Variants in ALLC observed in about 807,000 individuals in gnomAD.
The protein encoded by ALLC is allantoicase.
ALLC carries 40 observed loss-of-function variants against 45.0 expected under a neutral mutation model. That is an observed-to-expected ratio of 0.89 (90% CI 0.69 to 1.16). The LOEUF (loss-of-function observed/expected upper bound fraction) is 1.16. Among genes scored for constraint, ALLC ranks in the 50% most tolerant of loss-of-function variants. ALLC has a pLI of 0.00. For synonymous variants in ALLC, 176 were observed against 178.1 expected, an observed-to-expected ratio of 0.99 and a Z score of 0.09; for missense variants, 488 against 493.1, an observed-to-expected ratio of 0.99 and a Z score of 0.10.
At chr2:3,650,926 G>A in the ALLC span, among the ~76,000 whole-genome samples, 1 of 152,226 alleles carries the variant, frequency 6.6e-6, no homozygotes, top group East Asian at 1.9e-4. Flanking sequence ...CCTGAAGTCA[G>A]AACCATTACC....
At chr2:3,666,780 T>C (rs1364706981) in intron 1 of ALLC, among the ~76,000 whole-genome samples, 1 of 152,112 alleles carries the variant, frequency 6.6e-6, no homozygotes. Flanking sequence ...CTGCATTGCA[T>C]GGTGGGGGCG....
chr2:3,673,963 G>C (rs1666956220), intron 2 of ALLC, 112 bp from the exon 3 acceptor site: 1 of 787,862 alleles, frequency 1.3e-6, no homozygotes, highest in East Asian at 2.7e-5. Flanking sequence ...CTTCCCCTAG[G>C]TGATTTCACG....
In ALLC at chr2:3,666,461, T is replaced by C. The variant is rs144972386; in HGVS notation, c.-62-4635T>C. On this transcript the variant is annotated intron_variant, in intron 1 of 11. Coordinates refer to ENST00000252505, the MANE Select transcript of ALLC (RefSeq NM_018436.4). ...GTGCAGGGGGAGCCCGTGGACTTGG[T>C]GAGACCCACAGGCCACAGCCAGGCT... Among the ~76,000 whole-genome samples the C allele has an allele frequency of 4.9e-4, 75 of 152,308 alleles. No individual in the cohort carries two copies. The East Asian group carries it at 0.012, about 25-fold the overall frequency.
chr2:3,681,551 A>C, intron 5 of ALLC, 83 bp from the exon 6 acceptor site: 3 of 946,294 alleles, frequency 3.2e-6, no homozygotes, highest in Non-Finnish European at 3.2e-6. Context: ...CAAAGCGAGA[A>C]TTACCATACA....
intron 2 of ALLC, 121 bp from the exon 3 acceptor site, chr2:3,673,954 T>C (rs2148000762): frequency 1.4e-6 from 1 of 718,688 alleles, no homozygotes; most frequent in East Asian, 2.7e-5. Flanking sequence ...ATTCTGTCGC[T>C]TCCCCTAGGT....
At chr2:3,689,385 C>T (rs887243798) in intron 7 of ALLC, among the ~76,000 whole-genome samples, 2 of 150,828 alleles carry the variant, frequency 1.3e-5, no homozygotes, top group South Asian at 4.2e-4. Context: ...TTTGTTGTAT[C>T]CCATATATTT....
chr2:3,647,220 T>G, the ALLC span, among the ~76,000 whole-genome samples: 1 of 152,148 alleles, frequency 6.6e-6, no homozygotes, highest in African/African-American at 2.4e-5. Flanking sequence ...CACATACGTC[T>G]AAGAAGCAAA....
At chr2:3,647,243 C>T in the ALLC span, among the ~76,000 whole-genome samples, 2 of 151,834 alleles carry the variant, frequency 1.3e-5, no homozygotes, top group Non-Finnish European at 2.9e-5. Context: ...TCCTCCTTTA[C>T]TTCAGTCAAC....
At chr2:3,651,443 T>TGTGTGTGTGTGTGTGTGTGTG in the ALLC span, among the ~76,000 whole-genome samples, 4 of 16,808 alleles carry the variant, frequency 2.4e-4, 1 homozygote, top group East Asian at 8.7e-4. Context: ...GTGTGTGTGT[T>TGTGTGTGTGTGTGTGTGTGTG]AGGAAGGGAG....
At chr2:3,659,349 A>G (rs1666514344) in intron 1 of ALLC, among the ~76,000 whole-genome samples, 2 of 152,322 alleles carry the variant, frequency 1.3e-5, no homozygotes, top group Admixed American at 6.5e-5. Flanking sequence ...TCTATTTTAG[A>G]GAGTCATTGC....
chr2:3,653,484 C>T (rs947668526), upstream of ALLC, among the ~76,000 whole-genome samples: 7 of 152,234 alleles, frequency 4.6e-5, no homozygotes, highest in African/African-American at 1.7e-4. The surrounding 1 kb of genome is among the most constrained non-coding windows in gnomAD (Gnocchi z 4.1). Flanking sequence ...GACCTGCGTC[C>T]TGCCAGCTAC....
upstream of ALLC, among the ~76,000 whole-genome samples, chr2:3,657,158 G>A (rs1666462135): frequency 6.6e-6 from 1 of 151,742 alleles, no homozygotes. Context: ...CTCAAAGGCC[G>A]GGCGAGCTGA....
intron 7 of ALLC, among the ~76,000 whole-genome samples, chr2:3,692,834 G>T (rs531184199): frequency 1.3e-5 from 2 of 152,268 alleles, no homozygotes; most frequent in African/African-American, 4.8e-5. Context: ...CATGAGAATG[G>T]GTCACTGTGG....
At chr2:3,663,601 T>A (rs1033429385) in intron 1 of ALLC, among the ~76,000 whole-genome samples, 1 of 151,896 alleles carries the variant, frequency 6.6e-6, no homozygotes, top group Non-Finnish European at 1.5e-5. Context: ...AAAAAGACTC[T>A]ATGTCAGAAA....
At chr2:3,668,266 G>C (rs527702425) in intron 1 of ALLC, among the ~76,000 whole-genome samples, 2 of 152,262 alleles carry the variant, frequency 1.3e-5, no homozygotes, top group African/African-American at 4.8e-5. Flanking sequence ...GCTGTGTGGG[G>C]AAGAGCATTC....
At position 3,680,156 on chromosome 2, in the gene ALLC, A is replaced by G. The variant is rs920956387; in HGVS notation, c.298+162A>G. ...ACGGGGCTGTAGGACCAGGACTCCT[A>G]GTAGAGCGCTCTGTGGTTTTTGATT... On this transcript the variant is annotated intron_variant, in intron 5 of 11. Coordinates refer to ENST00000252505, the MANE Select transcript of ALLC (RefSeq NM_018436.4). The surrounding 1 kb of genome is among the most constrained non-coding windows in gnomAD (Gnocchi z 4.0). 3.3e-5 allele frequency among the ~76,000 whole-genome samples: 5 copies of G among 152,172 alleles called. No individual in the cohort carries two copies. Among genetic ancestry groups the G allele is most frequent in the African/African-American group, 4.8e-5 (2 of 41,426 alleles).
At chr2:3,649,311 G>A in the ALLC span, among the ~76,000 whole-genome samples, 4 of 149,628 alleles carry the variant, frequency 2.7e-5, no homozygotes, top group African/African-American at 7.4e-5. Context: ...GTGCGATCTC[G>A]GCTCACTGCA....
the ALLC span, among the ~76,000 whole-genome samples, chr2:3,652,484 G>A: frequency 6.6e-6 from 1 of 152,008 alleles, no homozygotes; most frequent in East Asian, 1.9e-4. Flanking sequence ...CCATTTCTAT[G>A]GTGGGAAGAA....
chr2:3,697,364 TTC>T lies in ALLC; in HGVS notation c.762_763del (p.Leu255GlyfsTer5). On this transcript the variant is annotated frameshift_variant, in exon 10 of 12. Coordinates refer to ENST00000252505, the MANE Select transcript of ALLC (RefSeq NM_018436.4). LOFTEE classifies it high-confidence loss of function. ...GAATTCCAGAATGATGAGAATGGCA[TTC>T]TCTTGGTTCCGGGTTGTGAATGGGC... 6.2e-7 allele frequency: 1 copy of T among 1,613,862 alleles called. No individual in the cohort carries two copies. The highest frequency in any genetic ancestry group is 8.5e-7 in the Non-Finnish European group (1 of 1,179,776).
Sources: allele counts gnomAD v4.1 joint callset (sites outside exome capture counted in the v4.1 genomes callset), GRCh38; gene constraint gnomAD v4.1.1; non-coding constraint Gnocchi (gnomAD v3.1); transcripts MANE v1.5; gene names NCBI Gene and HGNC (gene_info 2026-07-23, HGNC 2026-07-21).